The following RASA1 variants were observed in gnomAD, a reference collection of about 807,000 sequenced individuals.
RASA1 encodes RAS p21 protein activator 1.
Under a neutral mutation model 132.2 loss-of-function variants are expected in RASA1, and 25 were observed. That is an observed-to-expected ratio of 0.19 (90% confidence interval 0.14 to 0.26). The LOEUF (loss-of-function observed/expected upper bound fraction) is 0.26. Among genes scored for constraint, RASA1 ranks in the 10% least tolerant of loss-of-function variants. The pLI, the probability that RASA1 is intolerant of heterozygous loss-of-function variation, is 1.00. For missense variants in RASA1, 964 were observed against 1,299.2 expected, an observed-to-expected ratio of 0.74 and a Z score of 3.97; for synonymous variants, 477 against 449.9, an observed-to-expected ratio of 1.06 and a Z score of -0.76.
chr5:87,317,444 C>CTGAAAGCTTTTTCCATCCTAGATATT (rs1417774174), intron 1 of RASA1, among the ~76,000 whole-genome samples: 5 of 152,066 alleles, frequency 3.3e-5, no homozygotes, highest in African/African-American at 1.2e-4. Flanking sequence ...GACTAGATAT[C>CTGAAAGCTTTTTCCATCCTAGATATT]TGAAAGCTTT....
chr5:87,314,513 CTGAT>C (rs1756171334), intron 1 of RASA1, among the ~76,000 whole-genome samples: 1 of 152,106 alleles, frequency 6.6e-6, no homozygotes, highest in South Asian at 2.1e-4. Flanking sequence ...GGCTTTTTGA[CTGAT>C]TGGATATGAG....
intron 23 of RASA1, among the ~76,000 whole-genome samples, chr5:87,388,771 C>CAACTT (rs1432386976): frequency 1.3e-5 from 2 of 152,154 alleles, no homozygotes; most frequent in Admixed American, 6.6e-5. Context: ...TATGCATTAT[C>CAACTT]AACTTAGACA....
intron 6 of RASA1, among the ~76,000 whole-genome samples, chr5:87,342,264 A>G (rs1216231610): frequency 1.3e-5 from 2 of 151,104 alleles, no homozygotes; most frequent in African/African-American, 4.9e-5. Flanking sequence ...GATTCAAACG[A>G]TTCTCTGCCT....
At chr5:87,363,551 A>C (rs1272925794) in intron 11 of RASA1, 47 bp downstream of exon 11, 1 of 1,579,740 alleles carries the variant, frequency 6.3e-7, no homozygotes, top group Non-Finnish European at 8.7e-7. Context: ...TCTTAATAAT[A>C]AAATAGTACA....
intron 2 of RASA1, among the ~76,000 whole-genome samples, chr5:87,332,018 T>C (rs755920795): frequency 6.6e-6 from 1 of 152,166 alleles, no homozygotes; most frequent in Non-Finnish European, 1.5e-5. Context: ...AAAAATCATC[T>C]AATGCATATA....
intron 1 of RASA1, among the ~76,000 whole-genome samples, chr5:87,326,643 G>T (rs1416839145): frequency 1.3e-5 from 2 of 152,114 alleles, no homozygotes; most frequent in Non-Finnish European, 2.9e-5. Context: ...TTAAGTCATA[G>T]TATCTCAAGT....
chr5:87,356,079 G>GA (rs1358671532), intron 9 of RASA1, among the ~76,000 whole-genome samples: 1 of 152,120 alleles, frequency 6.6e-6, no homozygotes, highest in Non-Finnish European at 1.5e-5. Flanking sequence ...CTACTGAAAT[G>GA]AAAACAAATA....
intron 1 of RASA1, among the ~76,000 whole-genome samples, chr5:87,325,662 A>C (rs1191789037): frequency 1.3e-5 from 2 of 152,244 alleles, no homozygotes; most frequent in East Asian, 3.8e-4. Flanking sequence ...AGGAAAAACC[A>C]AGTGGAAAGT....
chr5:87,297,906 T>A (rs1393508277), intron 1 of RASA1, among the ~76,000 whole-genome samples: 1 of 152,110 alleles, frequency 6.6e-6, no homozygotes, highest in Non-Finnish European at 1.5e-5. Context: ...CTGGCACTGG[T>A]TCCCAAGGAA....
chr5:87,308,634 T>G (rs1223056497), intron 1 of RASA1, among the ~76,000 whole-genome samples: 1 of 152,246 alleles, frequency 6.6e-6, no homozygotes, highest in East Asian at 1.9e-4. Context: ...TGTACATGCA[T>G]TTGTATAACA....
chr5:87,278,364 G>C (rs1211388060), intron 1 of RASA1, among the ~76,000 whole-genome samples: 3 of 150,774 alleles, frequency 2.0e-5, no homozygotes, highest in South Asian at 4.2e-4. Flanking sequence ...GGCTAACACG[G>C]TGAAACCCCG....
At chr5:87,387,430 A>G (rs2112518963) in intron 23 of RASA1, among the ~76,000 whole-genome samples, 1 of 152,316 alleles carries the variant, frequency 6.6e-6, no homozygotes, top group African/African-American at 2.4e-5. Context: ...ATTACGAATG[A>G]GGGTATTTTA....
At chr5:87,386,193 C>G (rs745926758) in intron 22 of RASA1, among the ~76,000 whole-genome samples, 15 of 151,822 alleles carry the variant, frequency 9.9e-5, no homozygotes, top group Non-Finnish European at 1.5e-4. Flanking sequence ...ATGTCTTTAT[C>G]TTTGGAATTG....
chr5:87,360,806 A>G (rs1411140578), intron 9 of RASA1, among the ~76,000 whole-genome samples: 3 of 152,184 alleles, frequency 2.0e-5, no homozygotes, highest in Non-Finnish European at 4.4e-5. Context: ...CATCATGATA[A>G]GAGTCTAGAG....
intron 1 of RASA1, chr5:87,294,173 A>G (rs1272646993): frequency 1.3e-5 from 2 of 152,032 alleles, no homozygotes; most frequent in African/African-American, 2.4e-5. Flanking sequence ...TTATTATTAT[A>G]TACAAATTTT....
rs565634738 is a variant in RASA1, at chr5:87,341,885, G to A, written c.1049+564G>A. On this transcript the variant is annotated intron_variant, in intron 6 of 24. Coordinates refer to ENST00000274376, the MANE Select transcript of RASA1 (RefSeq NM_002890.3). ...TTTTTCTTATCTTTCAGCATTTAGG[G>A]ATGGAACTTGAGGCTTGCCTCAAGT... Among the ~76,000 whole-genome samples the A allele has an allele frequency of 6.9e-3, 1,048 of 152,104 alleles. 10 individuals are homozygous for A. Among genetic ancestry groups the A allele is most frequent in the South Asian group, 7.7e-3 (37 of 4,822 alleles).
At chr5:87,280,498 A>G (rs1424607192) in intron 1 of RASA1, among the ~76,000 whole-genome samples, 1 of 151,462 alleles carries the variant, frequency 6.6e-6, no homozygotes, top group Non-Finnish European at 1.5e-5. Flanking sequence ...TTTTTAGTAG[A>G]GACAGGGTTT....
At position 87,303,286 on chromosome 5, in the gene RASA1, A is replaced by C. The variant is rs536773064; in HGVS notation, c.540-28062A>C. 2.7e-5 allele frequency among the ~76,000 whole-genome samples: 4 copies of C among 150,864 alleles called. No homozygotes were observed. In the East Asian group the frequency reaches 5.8e-4, roughly 22 times the overall value. ...ATTTTGTTAATCTTTCCAAGAACTA[A>C]TTTTTCATTTTTTTTCCTGAAGTCT... On this transcript the variant is annotated intron_variant, in intron 1 of 24. Coordinates refer to ENST00000274376, the MANE Select transcript of RASA1 (RefSeq NM_002890.3).
Position 87,376,958 on chromosome 5 carries a change from C to T in RASA1, c.2262C>T (p.Ser754=). 1 of 1,611,504 alleles carries T rather than the reference C, an allele frequency of 6.2e-7. No homozygotes were observed. The highest frequency in any genetic ancestry group is 8.5e-7 in the Non-Finnish European group (1 of 1,177,642). Residue 754 remains serine, a synonymous_variant, in exon 17 of 25, where the codon AGC becomes AGT. Transcript: ENST00000274376. The part of the protein sequence containing the change: ...VCGQDRTLLA[S]ILLRIFLHEK... ...GACAAGACCGAACACTACTGGCCAG[C>T]ATCCTACTGAGGATTTTTCTTCACG...
Sources: allele counts gnomAD v4.1 joint callset (sites outside exome capture counted in the v4.1 genomes callset), GRCh38; gene constraint gnomAD v4.1.1; transcripts MANE v1.5; gene names NCBI Gene and HGNC (gene_info 2026-07-23, HGNC 2026-07-21).